TET2: variants seen among roughly 807,000 people sequenced by gnomAD.
TET2 encodes the protein methylcytosine dioxygenase TET2.
TET2 carries 299 observed loss-of-function variants against 142.9 expected under a neutral mutation model. The ratio of observed to expected loss-of-function variants is 2.09; its 90% CI spans 1.90 to 2.30. The LOEUF is 2.30. Ranked by LOEUF, TET2 falls within the 30% of genes most tolerant of loss-of-function variation. TET2 has a pLI of 0.00. For synonymous variants in TET2, 819 were observed against 849.0 expected (o/e 0.96, Z 0.61); for missense variants, 2,418 against 2,378.0 (o/e 1.02, Z -0.35).
chr4:105,183,001 G>C (rs1725209770), intron 1 of TET2, among the ~76,000 whole-genome samples: 1 of 152,174 alleles, frequency 6.6e-6, no homozygotes, highest in East Asian at 1.9e-4. Context: ...GTAAGGTAGG[G>C]TTCATGTATA....
chr4:105,187,989 T>C (rs1397726540), intron 1 of TET2, among the ~76,000 whole-genome samples: 1 of 152,178 alleles, frequency 6.6e-6, no homozygotes, highest in Non-Finnish European at 1.5e-5. Flanking sequence ...TAAGACCCAG[T>C]AGTTTCGCTC....
rs1553918709 is a variant in TET2, at chr4:105,276,838, T to TTCCCCCCCCCCCC, written c.*319_*320insTCCCCCCCCCCCC. 1 of 144,462 alleles carries TTCCCCCCCCCCCC rather than the reference T, an allele frequency of 6.9e-6. No individual in the cohort carries two copies. Among genetic ancestry groups the TTCCCCCCCCCCCC allele is most frequent in the Non-Finnish European group, 1.3e-5 (1 of 74,626 alleles). The allele number at this position is 144,462 out of a possible 1,614,324, so 8.9% of individuals were successfully genotyped here. A position where few individuals can be genotyped will look rare whatever the true frequency, so the allele number is the denominator to read the frequency against. Reference sequence around the variant, plus strand: ...TGGACGAGATGATATGTAAATGTGATCCCCCCCCCCCGCTTACAACTCTAC... The same window carrying TTCCCCCCCCCCCC: ...TGGACGAGATGATATGTAAATGTGATTCCCCCCCCCCCCCCCCCCCCCCCGCTTACAACTCTAC... On this transcript the variant is annotated 3_prime_UTR_variant, in exon 11 of 11. Transcript: ENST00000380013.
At chr4:105,185,786 TA>T (rs980296529) in intron 1 of TET2, among the ~76,000 whole-genome samples, 2 of 150,664 alleles carry the variant, frequency 1.3e-5, no homozygotes, top group Admixed American at 1.3e-4. Context: ...CTCTAAAAAA[TA>T]AAAAATAAAA....
At chr4:105,253,365 T>G (rs1055899019) in intron 6 of TET2, among the ~76,000 whole-genome samples, 3 of 152,064 alleles carry the variant, frequency 2.0e-5, no homozygotes, top group Non-Finnish European at 2.9e-5. Flanking sequence ...TTTTGCATTT[T>G]CCCCATATAG....
chr4:105,276,843 C>CCA lies in TET2; in HGVS notation c.*325_*326insAC, dbSNP rs982192088. 22 of 202,166 alleles carry CCA rather than the reference C, an allele frequency of 1.1e-4. 1 individual carries two copies. Among genetic ancestry groups the CCA allele is most frequent in the African/African-American group, 5.4e-4 (20 of 36,770 alleles). The allele number at this position is 202,166 out of a possible 1,614,324, so 12.5% of individuals were successfully genotyped here. On this transcript the variant is annotated 3_prime_UTR_variant, in exon 11 of 11. Transcript: ENST00000380013. ...GAGATGATATGTAAATGTGATCCCC[C>CCA]CCCCCCGCTTACAACTCTACACATC...
chr4:105,219,805 AAT>A (rs1727708712), intron 2 of TET2, among the ~76,000 whole-genome samples: 1 of 152,104 alleles, frequency 6.6e-6, no homozygotes, highest in African/African-American at 2.4e-5. Flanking sequence ...TCACTATCTT[AAT>A]GAGATTTACC....
Position 105,237,198 on chromosome 4 carries a change from A to T in TET2, c.3256A>T (p.Thr1086Ser), listed in dbSNP as rs1013733543. The T allele has an allele frequency of 1.2e-6, 2 of 1,614,122 alleles. No individual in the cohort carries two copies. Among genetic ancestry groups the T allele is most frequent in the Non-Finnish European group, 1.7e-6 (2 of 1,180,016 alleles). ...CACCCCAGCTTTAGAGCAGCAAACAACTTCTTCAGAAAAGACACCAACCAA... is the reference window on the plus strand; with the variant it reads ...CACCCCAGCTTTAGAGCAGCAAACATCTTCTTCAGAAAAGACACCAACCAA... ...SHTPALEQQTTSSEKTPTKRT... is the reference protein window; with the variant it reads ...SHTPALEQQTSSSEKTPTKRT... Residue 1086 changes from threonine (T) to serine (S), a missense_variant, in exon 3 of 11, where the codon ACT (threonine) becomes TCT (serine). Thr to Ser is a moderately conservative substitution (Grantham distance 58, BLOSUM62 1). Transcript: ENST00000380013.
chr4:105,168,336 C>G (rs1724270258), intron 1 of TET2, among the ~76,000 whole-genome samples: 1 of 152,234 alleles, frequency 6.6e-6, no homozygotes, highest in East Asian at 1.9e-4. Flanking sequence ...CTCCCTCATT[C>G]TATTCTAATT....
At position 105,234,771 on chromosome 4, in the gene TET2, G is replaced by T. The variant is rs768670105; in HGVS notation, c.829G>T (p.Ala277Ser). 2 of 1,613,770 alleles carry T rather than the reference G, an allele frequency of 1.2e-6. No individual in the cohort carries two copies. The highest frequency in any genetic ancestry group is 1.1e-5 in the South Asian group (1 of 91,016). ...GCATACCTCAGGGCAGATCAATTCC[G>T]CACAGACCTCTAACTCTGAGCTGCC... The part of the protein sequence containing the change: ...PSHTSGQINS[A>S]QTSNSELPPK... The change falls in exon 3 of 11, where the codon GCA becomes TCA. Residue 277 changes from alanine (A) to serine (S), a missense_variant. Physicochemically the swap from Ala to Ser is moderately conservative, Grantham distance 99. Coordinates refer to ENST00000380013, the MANE Select transcript of TET2 (RefSeq NM_001127208.3).
intron 4 of TET2, chr4:105,242,629 T>C (rs1458590930): frequency 3.6e-5 from 48 of 1,322,498 alleles, no homozygotes; most frequent in Non-Finnish European, 4.4e-5. Flanking sequence ...TACAATTATC[T>C]GTACATTTTG....
At chr4:105,154,171 T>C (rs1174503776) in intron 1 of TET2, among the ~76,000 whole-genome samples, 1 of 152,178 alleles carries the variant, frequency 6.6e-6, no homozygotes, top group Non-Finnish European at 1.5e-5. Context: ...GAGATTTCTT[T>C]TGGTGATGAT....
At chr4:105,157,874 G>A (rs1370687724) in intron 1 of TET2, among the ~76,000 whole-genome samples, 1 of 151,872 alleles carries the variant, frequency 6.6e-6, no homozygotes, top group Non-Finnish European at 1.5e-5. Context: ...ACAGCGTTTC[G>A]CCATGTAGGC....
intron 4 of TET2, 152 bp from the exon 5 acceptor site, chr4:105,242,682 C>T: frequency 7.2e-7 from 1 of 1,384,232 alleles, no homozygotes; most frequent in Non-Finnish European, 9.4e-7. Flanking sequence ...ATCCAGTTTG[C>T]TTGGCGTAGA....
At chr4:105,199,678 TC>T (rs1560746006) in intron 2 of TET2, among the ~76,000 whole-genome samples, 1 of 152,164 alleles carries the variant, frequency 6.6e-6, no homozygotes, top group African/African-American at 2.4e-5. Flanking sequence ...TTTTTCCTGA[TC>T]CTCTCCCTCC....
rs2110300288 is a variant in TET2 at position 105,269,623 on chromosome 4, A to T, written c.4058A>T (p.His1353Leu). The T allele has an allele frequency of 6.4e-7, 1 of 1,551,636 alleles. No individual in the cohort carries two copies. Among genetic ancestry groups the T allele is most frequent in the Non-Finnish European group, 8.7e-7 (1 of 1,146,926 alleles). ...TTTATTTTTCAGATTGAATATGAAC[A>T]CAGAGCACCAGAGTGCCGTCTGGGT... ...DAYNNQIEYE[H>L]RAPECRLGLK... Residue 1353 changes from histidine to leucine, a missense_variant, in exon 9 of 11, where the codon CAC becomes CTC. By Grantham distance (99) the His-to-Leu change is moderately conservative. Coordinates refer to ENST00000380013, the MANE Select transcript of TET2 (RefSeq NM_001127208.3).
chr4:105,253,521 A>G (rs1729973070), intron 6 of TET2, among the ~76,000 whole-genome samples: 1 of 148,918 alleles, frequency 6.7e-6, no homozygotes, highest in Non-Finnish European at 1.5e-5. Context: ...TCCTGCAACC[A>G]TGTTATATAA....
chr4:105,225,235 T>C (rs992747491), intron 2 of TET2, among the ~76,000 whole-genome samples: 2 of 145,324 alleles, frequency 1.4e-5, no homozygotes, highest in African/African-American at 5.4e-5. Flanking sequence ...CTATGTGTTA[T>C]ATTTTGATAA....
In TET2 at chr4:105,235,097, A is replaced by G. The variant is rs2110225050; in HGVS notation, c.1155A>G (p.Ser385=). 3.1e-6 allele frequency: 5 copies of G among 1,614,128 alleles called. No individual in the cohort carries two copies. Among genetic ancestry groups the G allele is most frequent in the South Asian group, 2.2e-5 (2 of 91,076 alleles). The stretch of plus-strand genomic sequence containing the variant: ...ATGGTGCTTACTTCAAGCAAAGCTC[A>G]GTGTTCACTAAGGATTCCTTTTCTG... ...EMNGAYFKQS[S]VFTKDSFSAT... The change falls in exon 3 of 11, where the codon TCA becomes TCG. Residue 385 remains serine (S), a synonymous_variant. Transcript: ENST00000380013.
At chr4:105,229,998 G>T (rs980802198) in intron 2 of TET2, among the ~76,000 whole-genome samples, 2 of 151,902 alleles carry the variant, frequency 1.3e-5, no homozygotes, top group Admixed American at 1.3e-4. Context: ...GCAAAAGATT[G>T]TGCCTACATC....
Sources: gnomAD v4.1 joint callset for allele counts (sites outside exome capture counted in the v4.1 genomes callset) on GRCh38, gnomAD v4.1.1 for gene constraint, MANE v1.5 for transcripts, NCBI Gene and HGNC (gene_info 2026-07-23, HGNC 2026-07-21) for gene names.